The following GNAT3 variants were observed in gnomAD, a reference collection of about 807,000 sequenced individuals.
GNAT3 encodes G protein subunit alpha transducin 3.
In GNAT3, 31 loss-of-function variants were observed where a neutral mutation model predicts 37.7. The observed-to-expected ratio is 0.82, with a 90% CI of 0.62 to 1.11. The LOEUF (loss-of-function observed/expected upper bound fraction) is 1.11. Among genes scored for constraint, GNAT3 ranks in the 50% most tolerant of loss-of-function variants. The pLI is 0.00. For missense variants in GNAT3, 437 were observed against 412.5 expected (o/e 1.06, Z -0.51); for synonymous variants, 138 against 139.8 (o/e 0.99, Z 0.09).
chr7:80,498,002 G>A (rs571810404), intron 1 of GNAT3, among the ~76,000 whole-genome samples: 23 of 152,212 alleles, frequency 1.5e-4, no homozygotes, highest in Non-Finnish European at 2.5e-4. Flanking sequence ...ATGTATTATA[G>A]AGAAATATTT....
intron 1 of GNAT3, among the ~76,000 whole-genome samples, chr7:80,500,580 C>T (rs1408928936): frequency 7.2e-5 from 11 of 151,914 alleles, no homozygotes; most frequent in Non-Finnish European, 5.9e-5. Flanking sequence ...TAACAGGAAA[C>T]CTATTAATCA....
At chr7:80,507,549 T>C (rs1474888779) in intron 1 of GNAT3, among the ~76,000 whole-genome samples, 3 of 152,004 alleles carry the variant, frequency 2.0e-5, no homozygotes, top group Non-Finnish European at 2.9e-5. Context: ...CAAAATACTT[T>C]GACATCCATT....
chr7:80,471,853 C>G (rs1479080288), intron 5 of GNAT3, among the ~76,000 whole-genome samples: 2 of 151,914 alleles, frequency 1.3e-5, no homozygotes, highest in Admixed American at 1.3e-4. Context: ...TCAGGATAAC[C>G]AAGATTGCTT....
intron 1 of GNAT3, among the ~76,000 whole-genome samples, chr7:80,503,499 A>T (rs1387214304): frequency 1.3e-5 from 2 of 152,190 alleles, no homozygotes; most frequent in African/African-American, 2.4e-5. Flanking sequence ...ATTTCATAAG[A>T]TTTTCTCATA....
chr7:80,485,517 C>T (rs1352306767), intron 3 of GNAT3, among the ~76,000 whole-genome samples: 2 of 152,082 alleles, frequency 1.3e-5, no homozygotes, highest in Non-Finnish European at 1.5e-5. Context: ...TATAGCTGCA[C>T]AGCCTTTTTG....
At chr7:80,494,555 T>C (rs1055305375) in intron 2 of GNAT3, 50 bp downstream of exon 2, 13 of 971,018 alleles carry the variant, frequency 1.3e-5, no homozygotes, top group Non-Finnish European at 2.1e-5. Flanking sequence ...AATGGTCAAA[T>C]ACATGGACAG....
At chr7:80,507,479 A>G (rs1790969550) in intron 1 of GNAT3, among the ~76,000 whole-genome samples, 1 of 151,998 alleles carries the variant, frequency 6.6e-6, no homozygotes, top group Non-Finnish European at 1.5e-5. Context: ...GATTTATTTC[A>G]TATTTGGGAA....
chr7:80,466,590 T>C (rs1422055693), intron 5 of GNAT3, among the ~76,000 whole-genome samples: 3 of 152,034 alleles, frequency 2.0e-5, no homozygotes, highest in South Asian at 2.1e-4. Context: ...AATTAAGATA[T>C]GGGAACTCTA....
Position 80,478,977 on chromosome 7 carries a change from C to T in GNAT3, c.325G>A (p.Ala109Thr), listed in dbSNP as rs1412502203. ...CCATCTTCCAGGGTATTTGCCATTG[C>T]ATAAAGTTGTCGTTGGTCCTCCTAG... ...RSAEDQRQLYAMANTLEDGGM... is the reference protein window; with the variant it reads ...RSAEDQRQLYTMANTLEDGGM... The change falls in exon 4 of 8, where the codon GCA becomes ACA. Residue 109 changes from alanine to threonine, a missense_variant. Coordinates refer to ENST00000398291, the MANE Select transcript of GNAT3 (RefSeq NM_001102386.3). The T allele has an allele frequency of 6.2e-7, 1 of 1,609,822 alleles. No individual in the cohort carries two copies. The highest frequency in any genetic ancestry group is 2.2e-5 in the East Asian group (1 of 44,772).
chr7:80,506,832 T>C (rs1381356227), intron 1 of GNAT3, among the ~76,000 whole-genome samples: 1 of 152,184 alleles, frequency 6.6e-6, no homozygotes, highest in Non-Finnish European at 1.5e-5. Context: ...TTGTTAAATC[T>C]AGCTAATTAA....
intron 7 of GNAT3, among the ~76,000 whole-genome samples, chr7:80,459,325 C>T (rs1790010119): frequency 1.3e-5 from 2 of 152,070 alleles, no homozygotes; most frequent in African/African-American, 4.8e-5. Context: ...AATTGTAGCA[C>T]TAGACTTGAG....
intron 1 of GNAT3, among the ~76,000 whole-genome samples, chr7:80,494,979 T>G (rs1562731359): frequency 6.6e-6 from 1 of 152,204 alleles, no homozygotes; most frequent in African/African-American, 2.4e-5. Context: ...AGTGAGAACA[T>G]ACGGTATTTG....
intron 1 of GNAT3, among the ~76,000 whole-genome samples, chr7:80,509,181 T>A (rs2116237294): frequency 6.6e-6 from 1 of 152,172 alleles, no homozygotes; most frequent in South Asian, 2.1e-4. Flanking sequence ...GAGGTCAAAT[T>A]GAATATAAAA....
At chr7:80,460,671 C>T in intron 7 of GNAT3, among the ~76,000 whole-genome samples, 1 of 151,940 alleles carries the variant, frequency 6.6e-6, no homozygotes, top group East Asian at 1.9e-4. Context: ...TAGCTTGAGC[C>T]CAGGAGGCAG....
chr7:80,473,180 A>G (rs1790247757), intron 5 of GNAT3, among the ~76,000 whole-genome samples: 3 of 152,204 alleles, frequency 2.0e-5, no homozygotes, highest in Admixed American at 2.0e-4. Flanking sequence ...GTTGATCCCA[A>G]TCGGTGCAGT....
rs770404055 is a variant in GNAT3 at position 80,462,565 on chromosome 7, T to C, written c.657A>G (p.Thr219=). ...KKWIHCFEGV[T]CIIFCAALSA... The stretch of plus-strand genomic sequence containing the variant: ...TAAGTGCAGCACAAAATATAATGCA[T>C]GTAACTCCTTCAAAGCAGTGAATCC... Residue 219 remains threonine, a synonymous_variant, in exon 6 of 8, where the codon ACA becomes ACG. Coordinates refer to ENST00000398291, the MANE Select transcript of GNAT3 (RefSeq NM_001102386.3). The C allele has an allele frequency of 4.3e-6, 7 of 1,612,738 alleles. No individual in the cohort carries two copies. Among genetic ancestry groups the C allele is most frequent in the Non-Finnish European group, 5.9e-6 (7 of 1,178,908 alleles).
chr7:80,463,677 C>T (rs1313574792), intron 5 of GNAT3, among the ~76,000 whole-genome samples: 2 of 151,780 alleles, frequency 1.3e-5, no homozygotes, highest in African/African-American at 2.4e-5. Flanking sequence ...AGGTCAGGAA[C>T]GTTATCTGTA....
intron 7 of GNAT3, among the ~76,000 whole-genome samples, chr7:80,460,858 A>G (rs968679022): frequency 1.3e-5 from 2 of 152,100 alleles, no homozygotes; most frequent in Non-Finnish European, 2.9e-5. Flanking sequence ...CAGTTCTCTA[A>G]TAATAGAGAA....
intron 4 of GNAT3, 60 bp from the exon 5 acceptor site, chr7:80,474,439 A>C (rs1215181892): frequency 1.4e-6 from 1 of 739,906 alleles, no homozygotes; most frequent in Admixed American, 2.7e-5. Flanking sequence ...ACATACATAT[A>C]TGTATATATA....
Sources: allele counts gnomAD v4.1 joint callset (sites outside exome capture counted in the v4.1 genomes callset), GRCh38; gene constraint gnomAD v4.1.1; transcripts MANE v1.5; gene names NCBI Gene and HGNC (gene_info 2026-07-23, HGNC 2026-07-21).